DYNC2H1: variants seen among roughly 807,000 people sequenced by gnomAD.
DYNC2H1 encodes the protein dynein cytoplasmic 2 heavy chain 1.
Under a neutral mutation model 570.0 loss-of-function variants are expected in DYNC2H1, and 410 were observed. The observed-to-expected ratio is 0.72, with a 90% CI of 0.66 to 0.78. The LOEUF is 0.78. DYNC2H1 is among the 30% of genes least tolerant of loss of function. The pLI is 0.00. For missense variants in DYNC2H1, 4,865 were observed against 5,046.4 expected, an observed-to-expected ratio of 0.96 and a Z score of 1.09; for synonymous variants, 1,688 against 1,677.6, an observed-to-expected ratio of 1.01 and a Z score of -0.15.
At chr11:103,414,815 C>CAACT (rs1943219399) in intron 84 of DYNC2H1, among the ~76,000 whole-genome samples, 1 of 152,114 alleles carries the variant, frequency 6.6e-6, no homozygotes, top group Non-Finnish European at 1.5e-5. Flanking sequence ...CCTAAGAATA[C>CAACT]AACTTTCAAG....
At chr11:103,125,957 A>G (rs1469211982) in intron 12 of DYNC2H1, among the ~76,000 whole-genome samples, 1 of 152,158 alleles carries the variant, frequency 6.6e-6, no homozygotes, top group Non-Finnish European at 1.5e-5. Flanking sequence ...TTCACAAGTC[A>G]CTTTCTCTGT....
chr11:103,439,223 G>A lies in DYNC2H1; in HGVS notation c.12456+3191G>A, dbSNP rs1940871949. The stretch of plus-strand genomic sequence containing the variant: ...AAGGGGTCAGAGAAGTGCTGCCTAA[G>A]CTGGGAACTTAGTAGGAATAAACCA... On this transcript the variant is annotated intron_variant, in intron 85 of 88. Transcript: ENST00000375735. The surrounding 1 kb of genome is among the most constrained non-coding windows in gnomAD (Gnocchi z 4.1). Among the ~76,000 whole-genome samples, 1 of 152,112 alleles carries A rather than the reference G, an allele frequency of 6.6e-6. No individual in the cohort carries two copies. The highest frequency in any genetic ancestry group is 2.1e-4 in the South Asian group (1 of 4,830).
intron 81 of DYNC2H1, among the ~76,000 whole-genome samples, chr11:103,321,941 T>C (rs1938226093): frequency 6.6e-6 from 1 of 152,152 alleles, no homozygotes. Context: ...ATTATGTAGT[T>C]CTCTCAGTTT....
At chr11:103,433,364 A>G (rs1173843282) in intron 84 of DYNC2H1, among the ~76,000 whole-genome samples, 1 of 152,140 alleles carries the variant, frequency 6.6e-6, no homozygotes, top group Non-Finnish European at 1.5e-5. Context: ...TACACTTGGC[A>G]ATAATATTGG....
chr11:103,281,168 A>C (rs372781105), intron 71 of DYNC2H1, among the ~76,000 whole-genome samples: 1 of 152,186 alleles, frequency 6.6e-6, no homozygotes, highest in African/African-American at 2.4e-5. Flanking sequence ...TGAATATAAT[A>C]GTTAAAATAA....
chr11:103,459,627 G>A (rs542631105), intron 87 of DYNC2H1, among the ~76,000 whole-genome samples: 1 of 152,130 alleles, frequency 6.6e-6, no homozygotes, highest in Non-Finnish European at 1.5e-5. Flanking sequence ...TTCCCTTTTG[G>A]CTCTATAGAC....
chr11:103,141,982 G>A (rs1388353374), intron 17 of DYNC2H1, among the ~76,000 whole-genome samples: 1 of 152,182 alleles, frequency 6.6e-6, no homozygotes, highest in African/African-American at 2.4e-5. Context: ...AGCAGTCAGC[G>A]AGACTCCATG....
chr11:103,426,886 T>C (rs1241817207), intron 84 of DYNC2H1, among the ~76,000 whole-genome samples: 1 of 152,222 alleles, frequency 6.6e-6, no homozygotes, highest in Non-Finnish European at 1.5e-5. Flanking sequence ...ACAATTACTA[T>C]TGAAATATTT....
intron 85 of DYNC2H1, among the ~76,000 whole-genome samples, chr11:103,450,320 G>A (rs558069): frequency 0.36 from 54,143 of 152,046 alleles, 10,230 homozygotes; most frequent in African/African-American, 0.48. Flanking sequence ...GATCAGTAAA[G>A]ATATAAAAGA....
chr11:103,143,046 A>G (rs144595658), intron 17 of DYNC2H1, among the ~76,000 whole-genome samples: 9 of 152,340 alleles, frequency 5.9e-5, no homozygotes, highest in African/African-American at 1.7e-4. Flanking sequence ...GAGGGTTTAT[A>G]TAATTTTCTT....
Position 103,119,527 on chromosome 11 carries a change from A to G in DYNC2H1, c.1000-920A>G, listed in dbSNP as rs183996204. Among the ~76,000 whole-genome samples the G allele has an allele frequency of 8.2e-4, 125 of 152,122 alleles. 1 individual carries two copies. The highest frequency in any genetic ancestry group is 2.7e-3 in the African/African-American group (110 of 41,484). The stretch of plus-strand genomic sequence containing the variant: ...GCTAATTTTTGTATTTTTAGTAGAG[A>G]TGGAGTTTCGCCATGTTGGCCAGGC... On this transcript the variant is annotated intron_variant, in intron 6 of 88. Transcript: ENST00000375735.
intron 69 of DYNC2H1, among the ~76,000 whole-genome samples, chr11:103,258,491 C>T (rs1384277826): frequency 6.6e-6 from 1 of 152,180 alleles, no homozygotes. Flanking sequence ...GTTTGTTTCA[C>T]AACGTCTAGG....
chr11:103,121,509 A>G lies in DYNC2H1; in HGVS notation c.1485+13A>G. On this transcript the variant is annotated intron_variant, in intron 10 of 88. Coordinates refer to ENST00000375735, the MANE Select transcript of DYNC2H1 (RefSeq NM_001377.3). The stretch of plus-strand genomic sequence containing the variant: ...GTTGGAATTGAAGGTATTTATTTTA[A>G]TAAAAGATGAAGAGTACTAATTATA... 1.2e-6 allele frequency: 2 copies of G among 1,610,330 alleles called. No homozygotes were observed. Among genetic ancestry groups the G allele is most frequent in the Non-Finnish European group, 1.7e-6 (2 of 1,178,496 alleles).
At chr11:103,414,995 A>G (rs550295300) in intron 84 of DYNC2H1, among the ~76,000 whole-genome samples, 1 of 152,302 alleles carries the variant, frequency 6.6e-6, no homozygotes, top group East Asian at 1.9e-4. Flanking sequence ...TATTCCCATC[A>G]AGCTACCATT....
chr11:103,425,480 A>G (rs1415253347), intron 84 of DYNC2H1, among the ~76,000 whole-genome samples: 1 of 152,054 alleles, frequency 6.6e-6, no homozygotes, highest in Non-Finnish European at 1.5e-5. Context: ...AATCCCATTT[A>G]TGAGGGTGAA....
intron 75 of DYNC2H1, among the ~76,000 whole-genome samples, chr11:103,292,621 G>C (rs1017369084): frequency 2.6e-5 from 4 of 152,190 alleles, no homozygotes; most frequent in African/African-American, 9.6e-5. Context: ...GGAGGTATTT[G>C]AGCCATGGGG....
Position 103,253,285 on chromosome 11 carries a change from G to C in DYNC2H1, c.10043G>C (p.Gly3348Ala). 3.7e-6 allele frequency: 6 copies of C among 1,603,386 alleles called. No homozygotes were observed. Among genetic ancestry groups the C allele is most frequent in the Non-Finnish European group, 5.1e-6 (6 of 1,174,150 alleles). ...CCAATTGTGTGTTTTTTTTAAATAG[G>C]ACCACGTTATGTGGTACAAATAGGT... Reference protein sequence around the residue: ...PLLRRDLVAQGPRYVVQIGDK... With the variant: ...PLLRRDLVAQAPRYVVQIGDK... The change falls in exon 66 of 89, where the codon GGA becomes GCA. Residue 3348 changes from glycine (G) to alanine (A), a missense_variant and splice_region_variant. Gly to Ala is a moderately conservative substitution (Grantham distance 60). Around this residue, in one of 5 missense-constraint regions of DYNC2H1, gnomAD observed 2,401 missense variants for 2,454.6 expected, o/e 0.98. Transcript: ENST00000375735.
chr11:103,132,874 C>T (rs545950239), intron 13 of DYNC2H1, among the ~76,000 whole-genome samples: 2 of 151,948 alleles, frequency 1.3e-5, no homozygotes, highest in East Asian at 3.9e-4. Flanking sequence ...CCTGTTGACT[C>T]CTCCCTGTTA....
At chr11:103,356,843 T>A (rs1275598827) in intron 82 of DYNC2H1, among the ~76,000 whole-genome samples, 1 of 152,178 alleles carries the variant, frequency 6.6e-6, no homozygotes, top group Non-Finnish European at 1.5e-5. Flanking sequence ...GATTTTGTTA[T>A]GAACTTTACC....
Sources: allele counts gnomAD v4.1 joint callset (sites outside exome capture counted in the v4.1 genomes callset), GRCh38; gene constraint gnomAD v4.1.1; regional missense constraint gnomAD v4.1.1; non-coding constraint Gnocchi (gnomAD v3.1); transcripts MANE v1.5; gene names NCBI Gene and HGNC (gene_info 2026-07-23, HGNC 2026-07-21).